Variants in FER observed in about 807,000 individuals in gnomAD.
The protein encoded by FER is tyrosine-protein kinase Fer.
Under a neutral mutation model 111.0 loss-of-function variants are expected in FER, and 63 were observed. The observed-to-expected ratio is 0.57, with a 90% CI of 0.46 to 0.70. The LOEUF (loss-of-function observed/expected upper bound fraction) is 0.70. Among genes scored for constraint, FER ranks in the 30% least tolerant of loss-of-function variants. FER has a pLI of 0.00. For synonymous variants in FER, 327 were observed against 313.9 expected (o/e 1.04, Z -0.44); for missense variants, 914 against 954.0 (o/e 0.96, Z 0.55).
At chr5:108,883,621 A>C in intron 9 of FER, 103 bp downstream of exon 9, 1 of 1,052,712 alleles carries the variant, frequency 9.5e-7, no homozygotes. Flanking sequence ...TAGAAACAGA[A>C]ACTTTTATTT....
chr5:108,753,801 G>C (rs1305798908), intron 1 of FER, among the ~76,000 whole-genome samples: 1 of 152,044 alleles, frequency 6.6e-6, no homozygotes, highest in Non-Finnish European at 1.5e-5. Flanking sequence ...AGTTTAAATG[G>C]GCAGACCAGC....
intron 13 of FER, among the ~76,000 whole-genome samples, chr5:109,030,682 T>C (rs1197828182): frequency 6.6e-6 from 1 of 152,030 alleles, no homozygotes; most frequent in Admixed American, 6.6e-5. Context: ...GCCTATGGGA[T>C]TGTTTGGTAG....
chr5:109,161,883 C>G (rs1031236721), intron 17 of FER, among the ~76,000 whole-genome samples: 9 of 152,104 alleles, frequency 5.9e-5, no homozygotes, highest in African/African-American at 2.2e-4. Flanking sequence ...ACACTCCAAC[C>G]AACAGTGTAT....
chr5:109,156,829 T>C (rs755248118), intron 17 of FER, among the ~76,000 whole-genome samples: 3 of 151,946 alleles, frequency 2.0e-5, no homozygotes, highest in Non-Finnish European at 4.4e-5. Context: ...GCTAGAGCAG[T>C]TTCAATAAAG....
rs1267918140 is a variant in FER, at chr5:108,959,259, A to G, written c.1568A>G (p.Asn523Ser). ...MYRFEGTGFS[N>S]IPQLIDHHYT... ...CGATTCGAGGGCACTGGGTTTTCAA[A>G]CATTCCTCAACTTATAGATCATCAC... Residue 523 changes from asparagine (N) to serine (S), a missense_variant, in exon 13 of 20, where the codon AAC becomes AGC. Coordinates refer to ENST00000281092, the MANE Select transcript of FER (RefSeq NM_005246.4). 1.2e-6 allele frequency: 2 copies of G among 1,611,758 alleles called. No individual in the cohort carries two copies. Among genetic ancestry groups the G allele is most frequent in the African/African-American group, 1.3e-5 (1 of 74,926 alleles).
intron 16 of FER, among the ~76,000 whole-genome samples, chr5:109,055,148 T>C (rs994789950): frequency 6.6e-6 from 1 of 152,144 alleles, no homozygotes; most frequent in African/African-American, 2.4e-5. Context: ...ATTTATACCA[T>C]ACACAAAAAT....
At position 108,811,702 on chromosome 5, in the gene FER, A is replaced by G. The variant is rs965061947; in HGVS notation, c.207+13313A>G. 2.2e-4 allele frequency among the ~76,000 whole-genome samples: 33 copies of G among 152,310 alleles called. 1 individual carries two copies. The highest frequency in any genetic ancestry group is 6.2e-4 in the South Asian group (3 of 4,830). On this transcript the variant is annotated intron_variant, in intron 3 of 19. Transcript: ENST00000281092. ...GCTGTCTGCAAGCTGGAGAACTAGG[A>G]AAGACAGTGCTGTAATTCAGTCTGA...
chr5:108,959,720 G>T (rs185338533), intron 13 of FER, among the ~76,000 whole-genome samples: 33 of 151,968 alleles, frequency 2.2e-4, no homozygotes, highest in African/African-American at 6.8e-4. Context: ...AATAAATTAG[G>T]GTTTTAATTT....
At chr5:108,907,268 TA>T (rs928157105) in intron 10 of FER, among the ~76,000 whole-genome samples, 1 of 152,032 alleles carries the variant, frequency 6.6e-6, no homozygotes, top group African/African-American at 2.4e-5. Context: ...GCCTTCTCAT[TA>T]AACACAATTA....
At chr5:109,005,862 A>G (rs1420737330) in intron 13 of FER, among the ~76,000 whole-genome samples, 1 of 152,246 alleles carries the variant, frequency 6.6e-6, no homozygotes, top group Non-Finnish European at 1.5e-5. Flanking sequence ...TGAATGAATT[A>G]ATCATTCCAT....
chr5:108,961,808 T>C (rs548371913), intron 13 of FER, among the ~76,000 whole-genome samples: 1 of 152,206 alleles, frequency 6.6e-6, no homozygotes, highest in African/African-American at 2.4e-5. Context: ...CTGTTACTTA[T>C]CTTCCTTTGA....
chr5:108,918,291 A>C (rs1752524205), intron 10 of FER, among the ~76,000 whole-genome samples: 1 of 152,144 alleles, frequency 6.6e-6, no homozygotes, highest in South Asian at 2.1e-4. Context: ...TGCCCTTGAC[A>C]ATATCACTAA....
intron 9 of FER, among the ~76,000 whole-genome samples, chr5:108,887,062 G>A (rs1233673618): frequency 6.6e-6 from 1 of 151,154 alleles, no homozygotes; most frequent in Non-Finnish European, 1.5e-5. Flanking sequence ...ATTTTTATCT[G>A]GTTTTAATAA....
At chr5:109,058,043 G>A (rs760414079) in intron 16 of FER, among the ~76,000 whole-genome samples, 16 of 152,162 alleles carry the variant, frequency 1.1e-4, no homozygotes, top group Middle Eastern at 6.8e-3. Context: ...TTTATCCCAG[G>A]ACTGAAAGCT....
At chr5:108,880,471 C>T (rs1437052499) in intron 8 of FER, among the ~76,000 whole-genome samples, 1 of 152,060 alleles carries the variant, frequency 6.6e-6, no homozygotes, top group Non-Finnish European at 1.5e-5. Flanking sequence ...ATATAAGGCA[C>T]AGTTGGAACA....
intron 5 of FER, among the ~76,000 whole-genome samples, chr5:108,845,363 AG>A (rs1425190707): frequency 4.0e-5 from 6 of 151,228 alleles, no homozygotes; most frequent in African/African-American, 1.5e-4. Context: ...ATATTTTTCC[AG>A]TAGAGATGGG....
At chr5:109,167,290 T>G (rs1273289145) in intron 17 of FER, among the ~76,000 whole-genome samples, 1 of 152,184 alleles carries the variant, frequency 6.6e-6, no homozygotes, top group African/African-American at 2.4e-5. Flanking sequence ...AATGGTACTT[T>G]GCAAAAACTC....
chr5:108,844,983 G>GGT lies in FER; in HGVS notation c.481+9189_481+9190dup, dbSNP rs147584034. Among the ~76,000 whole-genome samples, 196 of 54,854 alleles carry GGT rather than the reference G, an allele frequency of 3.6e-3. 3 individuals are homozygous for GGT. The highest frequency in any genetic ancestry group is 9.5e-3 in the East Asian group (18 of 1,900). 36.0% of individuals were successfully genotyped at this position (54,854 alleles called of 152,430 possible). Reference sequence around the variant, plus strand: ...TGACATTTTTGGATTGTTCATTGCTGGTGTGTGTGTGTGTATATATATATA... The same window carrying GGT: ...TGACATTTTTGGATTGTTCATTGCTGGTGTGTGTGTGTGTGTATATATATATA... On this transcript the variant is annotated intron_variant, in intron 5 of 19. Transcript: ENST00000281092.
intron 17 of FER, among the ~76,000 whole-genome samples, chr5:109,159,534 A>G (rs964277970): frequency 2.0e-5 from 3 of 152,220 alleles, no homozygotes; most frequent in African/African-American, 4.8e-5. Flanking sequence ...GAGACAATAC[A>G]TGTCAAGAAA....
Sources: allele counts gnomAD v4.1 joint callset (sites outside exome capture counted in the v4.1 genomes callset), GRCh38; gene constraint gnomAD v4.1.1; transcripts MANE v1.5; gene names NCBI Gene and HGNC (gene_info 2026-07-23, HGNC 2026-07-21).